AUTS2: variants seen among roughly 807,000 people sequenced by gnomAD.
AUTS2 encodes the protein autism susceptibility gene 2 protein.
In AUTS2, 17 loss-of-function variants were observed where a neutral mutation model predicts 112.4. The ratio of observed to expected loss-of-function variants is 0.15; its 90% CI spans 0.10 to 0.23. The LOEUF (loss-of-function observed/expected upper bound fraction) is 0.23. Ranked by LOEUF, AUTS2 falls within the 10% of genes least tolerant of loss-of-function variation. The pLI is 1.00. For synonymous variants in AUTS2, 751 were observed against 702.7 expected, an observed-to-expected ratio of 1.07 and a Z score of -1.09; for missense variants, 1,510 against 1,701.6, an observed-to-expected ratio of 0.89 and a Z score of 1.98.
intron 1 of AUTS2, among the ~76,000 whole-genome samples, chr7:69,683,288 G>T (rs956902673): frequency 6.6e-6 from 1 of 152,220 alleles, no homozygotes; most frequent in Non-Finnish European, 1.5e-5. Context: ...TGGTCGCCAT[G>T]ATGTCCTGCA....
intron 1 of AUTS2, among the ~76,000 whole-genome samples, chr7:69,816,300 C>T (rs907716247): frequency 1.3e-5 from 2 of 152,178 alleles, no homozygotes; most frequent in Non-Finnish European, 2.9e-5. Flanking sequence ...TTCCGTTCTC[C>T]CCAGACGGAA....
chr7:70,651,841 T>C (rs1585442800), intron 5 of AUTS2, among the ~76,000 whole-genome samples: 1 of 152,154 alleles, frequency 6.6e-6, no homozygotes, highest in Non-Finnish European at 1.5e-5. Context: ...GAACTGGGGC[T>C]GGTCATCTGG....
chr7:69,934,575 G>A (rs1349613093), intron 2 of AUTS2, among the ~76,000 whole-genome samples: 1 of 152,168 alleles, frequency 6.6e-6, no homozygotes, highest in Non-Finnish European at 1.5e-5. Context: ...CATAATGAGA[G>A]TCATTATGAA....
intron 4 of AUTS2, among the ~76,000 whole-genome samples, chr7:70,347,412 C>T: frequency 6.6e-6 from 1 of 152,146 alleles, no homozygotes; most frequent in East Asian, 1.9e-4. Context: ...TTTGTGAGTA[C>T]AGTGCCAAGC....
intron 4 of AUTS2, among the ~76,000 whole-genome samples, chr7:70,192,644 G>A (rs1809962788): frequency 6.6e-6 from 1 of 152,188 alleles, no homozygotes. Flanking sequence ...TACAGTGCTG[G>A]TCACCTTAGC....
At chr7:70,388,682 G>C (rs550193992) in intron 4 of AUTS2, among the ~76,000 whole-genome samples, 261 of 152,212 alleles carry the variant, frequency 1.7e-3, no homozygotes, top group African/African-American at 6.1e-3. Flanking sequence ...CTTATTTTAG[G>C]TTAGAAAGAG....
chr7:70,023,884 C>T (rs2129555612), intron 2 of AUTS2, among the ~76,000 whole-genome samples: 1 of 152,204 alleles, frequency 6.6e-6, no homozygotes, highest in East Asian at 1.9e-4. Flanking sequence ...TTCCTTCTAC[C>T]CTGTAATCTG....
intron 4 of AUTS2, chr7:70,291,124 G>A (rs2204339): frequency 6.6e-6 from 1 of 152,014 alleles, no homozygotes; most frequent in Non-Finnish European, 1.5e-5. Flanking sequence ...TATAACAGTT[G>A]AACATCATCT....
intron 1 of AUTS2, among the ~76,000 whole-genome samples, chr7:69,762,257 T>C (rs540640090): frequency 2.0e-5 from 3 of 151,320 alleles, no homozygotes; most frequent in African/African-American, 4.8e-5. Flanking sequence ...CTTTCACTTA[T>C]GATCCTGATT....
chr7:70,790,109 C>T lies in AUTS2; in HGVS notation c.2893C>T (p.Arg965Cys). 2 of 1,596,134 alleles carry T rather than the reference C, an allele frequency of 1.3e-6. No individual in the cohort carries two copies. The highest frequency in any genetic ancestry group is 1.7e-6 in the Non-Finnish European group (2 of 1,172,742). The change falls in exon 19 of 19, where the codon CGC becomes TGC. Residue 965 changes from arginine (R) to cysteine (C), a missense_variant. By Grantham distance (180) the Arg-to-Cys change is radical. Coordinates refer to ENST00000342771, the MANE Select transcript of AUTS2 (RefSeq NM_015570.4). This position sits in a 1 kb window ranked among gnomAD's most constrained non-coding sequence, Gnocchi z 7.6. Reference protein sequence around the residue: ...NSTSSREAEPRKGEPAYENPK... With the variant: ...NSTSSREAEPCKGEPAYENPK... Reference sequence around the variant, plus strand: ...CACCTCGAGCCGGGAGGCCGAGCCGCGCAAGGGTGAGCCGGCCTACGAGAA... The same window carrying T: ...CACCTCGAGCCGGGAGGCCGAGCCGTGCAAGGGTGAGCCGGCCTACGAGAA...
intron 1 of AUTS2, among the ~76,000 whole-genome samples, chr7:69,638,026 C>G (rs573666493): frequency 6.6e-6 from 1 of 152,120 alleles, no homozygotes; most frequent in South Asian, 2.1e-4. Flanking sequence ...TTTTATTTTA[C>G]TTTATTTTTT....
intron 5 of AUTS2, among the ~76,000 whole-genome samples, chr7:70,462,661 T>TA (rs35426528): frequency 2.6e-5 from 4 of 151,112 alleles, no homozygotes; most frequent in East Asian, 1.9e-4. Flanking sequence ...ATGTTGCCAC[T>TA]AAAAAAAAAT....
intron 2 of AUTS2, among the ~76,000 whole-genome samples, chr7:70,031,381 G>A (rs1180712058): frequency 6.6e-6 from 1 of 152,136 alleles, no homozygotes; most frequent in Non-Finnish European, 1.5e-5. Context: ...GGGTTTATTA[G>A]CTGTTGACCT....
intron 5 of AUTS2, among the ~76,000 whole-genome samples, chr7:70,444,951 CT>C (rs1665779769): frequency 6.6e-6 from 1 of 152,108 alleles, no homozygotes. Flanking sequence ...ATAGATGCTA[CT>C]AATGTCTTCG....
chr7:70,704,251 T>C (rs943787057), intron 6 of AUTS2, among the ~76,000 whole-genome samples: 2 of 152,242 alleles, frequency 1.3e-5, no homozygotes, highest in African/African-American at 2.4e-5. Context: ...ACTGGAATTG[T>C]GAACCGGGTG....
intron 2 of AUTS2, among the ~76,000 whole-genome samples, chr7:69,959,328 C>G (rs773583299): frequency 6.6e-6 from 1 of 152,124 alleles, no homozygotes; most frequent in Non-Finnish European, 1.5e-5. Flanking sequence ...TTACAGAATA[C>G]TCTCATTCAG....
intron 6 of AUTS2, among the ~76,000 whole-genome samples, chr7:70,702,973 A>G (rs1489170302): frequency 6.6e-6 from 1 of 152,218 alleles, no homozygotes; most frequent in African/African-American, 2.4e-5. Context: ...TTCTATCAGC[A>G]TTGTAGAAAG....
chr7:70,646,018 C>T (rs866384990), intron 5 of AUTS2, among the ~76,000 whole-genome samples: 11 of 152,116 alleles, frequency 7.2e-5, no homozygotes, highest in Non-Finnish European at 1.2e-4. Flanking sequence ...TTTAGCGAGG[C>T]GATAATGAAC....
At chr7:69,604,478 A>G (rs1357771657) in intron 1 of AUTS2, among the ~76,000 whole-genome samples, 4 of 152,238 alleles carry the variant, frequency 2.6e-5, no homozygotes, top group Non-Finnish European at 5.9e-5. Flanking sequence ...AGGTACTTGA[A>G]TGCCTGATAT....
Sources: allele counts gnomAD v4.1 joint callset (sites outside exome capture counted in the v4.1 genomes callset), GRCh38; gene constraint gnomAD v4.1.1; non-coding constraint Gnocchi (gnomAD v3.1); transcripts MANE v1.5; gene names NCBI Gene and HGNC (gene_info 2026-07-23, HGNC 2026-07-21).